MTMR3: variants seen among roughly 807,000 people sequenced by gnomAD.
The protein encoded by MTMR3 is myotubularin related protein 3.
MTMR3 carries 32 observed loss-of-function variants against 132.4 expected under a neutral mutation model. That is an observed-to-expected ratio of 0.24 (90% CI 0.18 to 0.32). MTMR3 has a LOEUF of 0.32. Among genes scored for constraint, MTMR3 ranks in the 10% least tolerant of loss-of-function variants. MTMR3 has a pLI of 1.00. For missense variants in MTMR3, 1,216 were observed against 1,489.6 expected (o/e 0.82, Z 3.02); for synonymous variants, 556 against 550.3 (o/e 1.01, Z -0.14).
At chr22:29,884,886 ACCCAGT>A (rs1161648200) in intron 1 of MTMR3, among the ~76,000 whole-genome samples, 1 of 152,086 alleles carries the variant, frequency 6.6e-6, no homozygotes, top group Non-Finnish European at 1.5e-5. Context: ...TTTTGAGTAA[ACCCAGT>A]ATAGTATGTG....
At chr22:29,886,499 A>G (rs983364352) in intron 1 of MTMR3, among the ~76,000 whole-genome samples, 6 of 152,172 alleles carry the variant, frequency 3.9e-5, no homozygotes, top group African/African-American at 1.4e-4. Flanking sequence ...GCTGTTGGGA[A>G]TGTCACTTAA....
intron 18 of MTMR3, 95 bp from the exon 19 acceptor site, chr22:30,022,513 TG>T: frequency 9.7e-7 from 1 of 1,029,714 alleles, no homozygotes; most frequent in Non-Finnish European, 1.5e-6. Flanking sequence ...GGAGCTGATG[TG>T]GTCCTTGTGA....
chr22:30,007,351 T>A (rs2067292976), intron 10 of MTMR3, 32 bp downstream of exon 10: 1 of 1,598,562 alleles, frequency 6.3e-7, no homozygotes, highest in East Asian at 2.2e-5. Flanking sequence ...TGGCAATGAT[T>A]TTTATAGCAT....
chr22:30,020,951 T>C, intron 17 of MTMR3, 67 bp downstream of exon 17: 1 of 1,419,072 alleles, frequency 7.0e-7, no homozygotes, highest in African/African-American at 1.4e-5. Flanking sequence ...GGGTGCCCTT[T>C]GTGCCCAGTG....
Position 30,016,529 on chromosome 22 carries a change from T to C in MTMR3, c.1505T>C (p.Val502Ala). Residue 502 changes from valine to alanine, a missense_variant and splice_region_variant, in exon 15 of 20, where the codon GTG becomes GCG. By Grantham distance (64) the Val-to-Ala change is moderately conservative. Around this residue, in one of 7 missense-constraint regions of MTMR3, gnomAD observed 106 missense variants for 209.5 expected, o/e 0.51. Transcript: ENST00000401950. ...TTGTGCTTCATTGGACTTCCATAGG[T>C]GAAACTGGTGCAGCATACCTATTCC... is the stretch of plus-strand genomic sequence containing the variant. The part of the protein sequence containing the change: ...CSFEFNEAFL[V>A]KLVQHTYSCL... 1 of 1,613,472 alleles carries C rather than the reference T, an allele frequency of 6.2e-7. No individual in the cohort carries two copies. The highest frequency in any genetic ancestry group is 8.5e-7 in the Non-Finnish European group (1 of 1,179,656).
chr22:29,978,719 T>C (rs73398653), intron 4 of MTMR3, among the ~76,000 whole-genome samples, 188 bp downstream of exon 4: 2,518 of 152,340 alleles, frequency 0.017, 68 homozygotes, highest in African/African-American at 0.058. Flanking sequence ...AAGATGATCT[T>C]CTCTGTATCA....
Position 29,991,516 on chromosome 22 carries a change from A to C in MTMR3, c.306A>C (p.Ser102=). 6.2e-7 allele frequency: 1 copy of C among 1,608,486 alleles called. No individual in the cohort carries two copies. The change falls in exon 7 of 20, where the codon TCA becomes TCC. Residue 102 remains serine, a synonymous_variant. Transcript: ENST00000401950. ...GGCTTTACAAAAGGTGTCAGTTTTC[A>C]ACCTTTGAGCAGTGTCAAGAGTGGC... ...KDCKVIRCQF[S]TFEQCQEWLK...
At chr22:29,952,137 C>T (rs143012638) in intron 1 of MTMR3, among the ~76,000 whole-genome samples, 77 of 152,162 alleles carry the variant, frequency 5.1e-4, no homozygotes, top group African/African-American at 1.6e-3. Flanking sequence ...GCCATCTACC[C>T]GCCTTGAGTA....
chr22:29,890,794 C>T (rs1396588883), intron 1 of MTMR3, among the ~76,000 whole-genome samples: 1 of 152,106 alleles, frequency 6.6e-6, no homozygotes, highest in Non-Finnish European at 1.5e-5. Context: ...AGATCAGTGA[C>T]AAGGGAGTGG....
At chr22:30,006,628 G>C (rs910509197) in intron 9 of MTMR3, 1 of 158,844 alleles carries the variant, frequency 6.3e-6, no homozygotes. Flanking sequence ...CACAATCATA[G>C]CTTTCTGCAA....
chr22:30,009,311 T>G (rs768960448), intron 12 of MTMR3, 182 bp downstream of exon 12: 3 of 578,314 alleles, frequency 5.2e-6, no homozygotes, highest in African/African-American at 1.9e-5. Flanking sequence ...GGGTCTGAAA[T>G]GTGGCAGCAC....
At chr22:29,934,925 C>T (rs543695862) in intron 1 of MTMR3, among the ~76,000 whole-genome samples, 22 of 152,248 alleles carry the variant, frequency 1.4e-4, no homozygotes, top group Admixed American at 9.8e-4. Context: ...AGTTTGGTTT[C>T]GCTTAACAAA....
rs147713083 is a variant in MTMR3 at position 30,013,534 on chromosome 22, C to T, written c.1496C>T (p.Ala499Val). The change falls in exon 14 of 20, where the codon GCA becomes GTA. Residue 499 changes from alanine (A) to valine (V), a missense_variant. Transcript: ENST00000401950. ...QFPCSFEFNE[A>V]FLVKLVQHTY... is the part of the protein sequence containing the mutation. ...CCTTGCTCTTTTGAGTTCAATGAAG[C>T]ATTCCTTGTAAGTTTCTTCATTTTG... is the stretch of plus-strand genomic sequence containing the variant. 6.2e-7 allele frequency: 1 copy of T among 1,613,580 alleles called. No individual in the cohort carries two copies. Among genetic ancestry groups the T allele is most frequent in the Non-Finnish European group, 8.5e-7 (1 of 1,179,684 alleles).
At chr22:29,910,653 C>T (rs2065193438) in intron 1 of MTMR3, among the ~76,000 whole-genome samples, 3 of 150,722 alleles carry the variant, frequency 2.0e-5, no homozygotes, top group Admixed American at 6.6e-5. Flanking sequence ...TGAGATTGCC[C>T]TCTTTCTTGC....
intron 3 of MTMR3, among the ~76,000 whole-genome samples, chr22:29,974,713 G>A (rs2145878116): frequency 6.6e-6 from 1 of 152,276 alleles, no homozygotes; most frequent in South Asian, 2.1e-4. Context: ...CTAAAAGTCA[G>A]CAGAAAACTA....
chr22:30,003,093 G>A, intron 9 of MTMR3, 100 bp downstream of exon 9: 1 of 902,724 alleles, frequency 1.1e-6, no homozygotes, highest in East Asian at 2.4e-5. Context: ...GGTGGGGAGA[G>A]TTCAGAGAAC....
At chr22:29,982,937 T>TTTTTTTTTTTTTTTTGTGTGTG (rs752531735) in intron 5 of MTMR3, 1 of 146,280 alleles carries the variant, frequency 6.8e-6, no homozygotes, top group African/African-American at 2.6e-5. Flanking sequence ...AAAAGTTTGT[T>TTTTTTTTTTTTTTTTGTGTGTG]TGTGTGTGTG....
intron 19 of MTMR3, chr22:30,024,343 G>A (rs2067850080): frequency 6.6e-6 from 1 of 152,180 alleles, no homozygotes; most frequent in Non-Finnish European, 1.5e-5. Context: ...ATTCATGTCA[G>A]GCTTTTGAGC....
chr22:30,020,747 C>T lies in MTMR3; in HGVS notation c.3088C>T (p.Arg1030Cys), dbSNP rs189578908. 30 of 1,614,194 alleles carry T rather than the reference C, an allele frequency of 1.9e-5. No homozygotes were observed. The highest frequency in any genetic ancestry group is 3.3e-5 in the Admixed American group (2 of 60,024). Reference protein sequence around the residue: ...MSVYTDTIQQRLRQIESGHQQ... With the variant: ...MSVYTDTIQQCLRQIESGHQQ... ...AGTGTACACAGACACGATCCAACAG[C>T]GCCTGCGTCAGATTGAGTCAGGCCA... Residue 1030 changes from arginine (R) to cysteine (C), a missense_variant, in exon 17 of 20, where the codon CGC (arginine) becomes TGC (cysteine). Arg to Cys is a radical substitution (Grantham distance 180). Transcript: ENST00000401950.
Sources: gnomAD v4.1 joint callset for allele counts (sites outside exome capture counted in the v4.1 genomes callset) on GRCh38, gnomAD v4.1.1 for gene constraint, gnomAD v4.1.1 regional missense constraint, MANE v1.5 for transcripts, NCBI Gene and HGNC (gene_info 2026-07-23, HGNC 2026-07-21) for gene names.